SYDE2: variants seen among roughly 807,000 people sequenced by gnomAD.
SYDE2 encodes rho GTPase-activating protein SYDE2.
SYDE2 carries 76 observed loss-of-function variants against 91.5 expected under a neutral mutation model. The observed-to-expected ratio is 0.83, with a 90% CI of 0.69 to 1.01. The LOEUF is 1.01. Ranked by LOEUF, SYDE2 falls within the 50% of genes least tolerant of loss-of-function variation. SYDE2 has a pLI of 0.00. For synonymous variants in SYDE2, 513 were observed against 506.4 expected (o/e 1.01, Z -0.18); for missense variants, 1,364 against 1,367.7 (o/e 1.00, Z 0.04).
chr1:85,179,282 A>T (rs1373633152), intron 3 of SYDE2, among the ~76,000 whole-genome samples: 1 of 152,198 alleles, frequency 6.6e-6, no homozygotes, highest in East Asian at 1.9e-4. Context: ...ATCACTGTAA[A>T]ATGCAATAAA....
rs896845202 is a variant in SYDE2 at position 85,180,006 on chromosome 1, A to T, written c.2545-1734T>A. 3.9e-5 allele frequency among the ~76,000 whole-genome samples: 6 copies of T among 152,334 alleles called. No homozygotes were observed. The East Asian group carries it at 1.2e-3, about 29-fold the overall frequency. Reference sequence around the variant, plus strand: ...TCAAGGAAAAGATATTTTAGGATATATCCCTACTTTCTGATGATGATATCT... The same window carrying T: ...TCAAGGAAAAGATATTTTAGGATATTTCCCTACTTTCTGATGATGATATCT... On this transcript the variant is annotated intron_variant, in intron 3 of 6. Transcript: ENST00000341460.
chr1:85,159,948 T>C, intron 6 of SYDE2: 1 of 984,680 alleles, frequency 1.0e-6, no homozygotes, highest in Non-Finnish European at 1.2e-6. Flanking sequence ...ACATTAAGAC[T>C]AGTTTATTCT....
chr1:85,159,719 G>C (rs192492515), intron 6 of SYDE2: 2 of 437,666 alleles, frequency 4.6e-6, no homozygotes, highest in East Asian at 3.1e-4. Flanking sequence ...TCCGACCCTT[G>C]TGGGCTTTTC....
intron 4 of SYDE2, among the ~76,000 whole-genome samples, chr1:85,174,950 C>T (rs1181745351): frequency 6.6e-6 from 1 of 152,052 alleles, no homozygotes; most frequent in African/African-American, 2.4e-5. Flanking sequence ...AGATCATTTA[C>T]TTATATTCTG....
At chr1:85,170,114 C>G (rs1385503274) in intron 4 of SYDE2, among the ~76,000 whole-genome samples, 5 of 131,272 alleles carry the variant, frequency 3.8e-5, no homozygotes. Context: ...CTTCCCATCT[C>G]TTTTTTTTTT....
At chr1:85,159,846 A>G in intron 6 of SYDE2, 1 of 981,930 alleles carries the variant, frequency 1.0e-6, no homozygotes, top group Non-Finnish European at 1.2e-6. Context: ...ATACAGCATT[A>G]TCTACTATCT....
At chr1:85,162,573 CAA>C in intron 6 of SYDE2, among the ~76,000 whole-genome samples, 1 of 152,288 alleles carries the variant, frequency 6.6e-6, no homozygotes, top group South Asian at 2.1e-4. Context: ...ACCACCAACA[CAA>C]ATCTTTGGAA....
chr1:85,158,803 T>G lies in SYDE2; in HGVS notation c.3532A>C (p.Ile1178Leu). 1.3e-6 allele frequency: 1 copy of G among 765,488 alleles called. No homozygotes were observed. The highest frequency in any genetic ancestry group is 2.4e-6 in the Non-Finnish European group (1 of 413,202). The allele number at this position is 765,488 out of a possible 1,614,324, so 47.4% of individuals were successfully genotyped here. Reference sequence around the variant, plus strand: ...TTGAGCTCACGTTCCAGATTTCCAATCAAAGTATCAATACTTTCTTGTAGA... The same window carrying G: ...TTGAGCTCACGTTCCAGATTTCCAAGCAAAGTATCAATACTTTCTTGTAGA... ...KDLQESIDTL[I>L]GNLERELNKN... is the part of the protein sequence containing the mutation. The change falls in exon 7 of 7, where the codon ATT becomes CTT. Residue 1178 changes from isoleucine to leucine, a missense_variant. Coordinates refer to ENST00000341460, the MANE Select transcript of SYDE2 (RefSeq NM_032184.2).
In SYDE2 at chr1:85,200,943, C is replaced by A; in HGVS notation, c.54G>T (p.Ala18=). 1 of 1,299,228 alleles carries A rather than the reference C, an allele frequency of 7.7e-7. No individual in the cohort carries two copies. The highest frequency in any genetic ancestry group is 9.7e-7 in the Non-Finnish European group (1 of 1,032,198). 80.5% of individuals were successfully genotyped at this position (1,299,228 alleles called of 1,614,324 possible). Residue 18 remains alanine, a synonymous_variant, in exon 1 of 7, where the codon GCG becomes GCT. Transcript: ENST00000341460. ...GGGCTCCCGCGGGGAAGCTGTGATC[C>A]GCCAAGCCCCTGCCGCCCCGCCGCG... ...SGARRGGRGL[A]DHSFPAGARA...
At chr1:85,178,011 A>G (rs1407599527) in intron 4 of SYDE2, 135 bp downstream of exon 4, 7 of 763,110 alleles carry the variant, frequency 9.2e-6, no homozygotes, top group Non-Finnish European at 1.4e-5. Context: ...ATAACACAGT[A>G]AGTAATGTTT....
At position 85,190,607 on chromosome 1, in the gene SYDE2, C is replaced by G; in HGVS notation, c.891G>C (p.Arg297Ser). ...KRNWLYQSTL[R>S]PLNLEEENKK... Reference sequence around the variant, plus strand: ...TATTTTCTTCTTCCAGATTAAGAGGCCTCAGAGTACTCTGATATAGCCAAT... The same window carrying G: ...TATTTTCTTCTTCCAGATTAAGAGGGCTCAGAGTACTCTGATATAGCCAAT... Residue 297 changes from arginine (R) to serine (S), a missense_variant, in exon 2 of 7, where the codon AGG (arginine) becomes AGC (serine). Arg to Ser is a moderately radical substitution (Grantham distance 110). Coordinates refer to ENST00000341460, the MANE Select transcript of SYDE2 (RefSeq NM_032184.2). The G allele has an allele frequency of 6.2e-7, 1 of 1,613,908 alleles. No individual in the cohort carries two copies. Among genetic ancestry groups the G allele is most frequent in the African/African-American group, 1.3e-5 (1 of 75,040 alleles).
intron 6 of SYDE2, among the ~76,000 whole-genome samples, chr1:85,162,568 C>A (rs1003999798): frequency 6.6e-6 from 1 of 152,072 alleles, no homozygotes; most frequent in African/African-American, 2.4e-5. Flanking sequence ...TTAAAACCAC[C>A]AACACAAATC....
chr1:85,175,678 T>C (rs1657671034), intron 4 of SYDE2, among the ~76,000 whole-genome samples: 1 of 152,160 alleles, frequency 6.6e-6, no homozygotes. Flanking sequence ...CCTACTGAAC[T>C]ATTAATCATA....
intron 1 of SYDE2, 139 bp from the exon 2 acceptor site, chr1:85,190,891 G>GA (rs1332004800): frequency 3.7e-6 from 2 of 535,342 alleles, no homozygotes; most frequent in Non-Finnish European, 6.4e-6. Flanking sequence ...AATTGAACTA[G>GA]AAAAAATTTG....
At chr1:85,173,603 G>A (rs1017566930) in intron 4 of SYDE2, among the ~76,000 whole-genome samples, 6 of 152,030 alleles carry the variant, frequency 3.9e-5, no homozygotes, top group African/African-American at 1.2e-4. Flanking sequence ...AAGCTTAAAA[G>A]CAAGACTAAA....
At chr1:85,173,867 C>G (rs889980694) in intron 4 of SYDE2, among the ~76,000 whole-genome samples, 32 of 152,002 alleles carry the variant, frequency 2.1e-4, no homozygotes, top group African/African-American at 7.5e-4. Context: ...AGAATAAAGA[C>G]TGAACATATT....
At chr1:85,168,703 A>G (rs1657389962) in intron 5 of SYDE2, among the ~76,000 whole-genome samples, 2 of 152,198 alleles carry the variant, frequency 1.3e-5, no homozygotes, top group Non-Finnish European at 2.9e-5. Flanking sequence ...GCCTCTGGAT[A>G]TTGATGATTG....
chr1:85,185,001 A>C (rs1015773371), intron 2 of SYDE2, among the ~76,000 whole-genome samples: 1 of 151,796 alleles, frequency 6.6e-6, no homozygotes, highest in Non-Finnish European at 1.5e-5. Flanking sequence ...AAATTCAACC[A>C]TTTTCTTTGC....
At position 85,200,658 on chromosome 1, in the gene SYDE2, G is replaced by T. The variant is rs1374086687; in HGVS notation, c.339C>A (p.His113Gln). ...GTGGCGGGGGCTCGTCCCAGTCCCG[G>T]TGCGCGCCGCACCTGATCCAGCTGT... Reference protein sequence around the residue: ...PSDSWIRCGAHRDWDEPPPRG... With the variant: ...PSDSWIRCGAQRDWDEPPPRG... The change falls in exon 1 of 7, where the codon CAC becomes CAA. Residue 113 changes from histidine (H) to glutamine (Q), a missense_variant. His to Gln is a conservative substitution (Grantham distance 24, BLOSUM62 0). Coordinates refer to ENST00000341460, the MANE Select transcript of SYDE2 (RefSeq NM_032184.2). 1 of 1,538,988 alleles carries T rather than the reference G, an allele frequency of 6.5e-7. No homozygotes were observed. Among genetic ancestry groups the T allele is most frequent in the Non-Finnish European group, 8.7e-7 (1 of 1,147,826 alleles).
Sources: allele counts gnomAD v4.1 joint callset (sites outside exome capture counted in the v4.1 genomes callset), GRCh38; gene constraint gnomAD v4.1.1; transcripts MANE v1.5; gene names NCBI Gene and HGNC (gene_info 2026-07-23, HGNC 2026-07-21).